PAN3: variants seen among roughly 807,000 people sequenced by gnomAD.
The protein encoded by PAN3 is PAN2-PAN3 deadenylation complex subunit PAN3.
In PAN3, 19 loss-of-function variants were observed where a neutral mutation model predicts 96.2. The observed-to-expected ratio is 0.20, with a 90% CI of 0.14 to 0.29. The LOEUF is 0.29. PAN3 is among the 10% of genes least tolerant of loss of function. The pLI is 1.00. For missense variants in PAN3, 882 were observed against 1,108.1 expected (o/e 0.80, Z 2.90); for synonymous variants, 433 against 406.6 (o/e 1.06, Z -0.78).
intron 6 of PAN3, among the ~76,000 whole-genome samples, chr13:28,226,257 A>G (rs1274416873): frequency 6.6e-6 from 1 of 152,248 alleles, no homozygotes; most frequent in Non-Finnish European, 1.5e-5. Flanking sequence ...CCATATTTAT[A>G]TGGTTCTTAA....
intron 5 of PAN3, among the ~76,000 whole-genome samples, chr13:28,219,878 T>G (rs1335486233): frequency 6.6e-6 from 1 of 152,236 alleles, no homozygotes; most frequent in East Asian, 1.9e-4. Flanking sequence ...AGAAGTGGTT[T>G]AAAGATACTA....
Position 28,281,400 on chromosome 13 carries a change from A to T in PAN3, c.2384+21A>T. The T allele has an allele frequency of 1.9e-6, 3 of 1,583,162 alleles. No homozygotes were observed. In the African/African-American group the frequency reaches 4.0e-5, roughly 21 times the overall value. On this transcript the variant is annotated intron_variant, in intron 17 of 18. Transcript: ENST00000380958. The stretch of plus-strand genomic sequence containing the variant: ...CCGGAGTAAGGATTTACAGTATTTT[A>T]CAATATATTTTTAATCGAGAGCACT...
At chr13:28,154,330 TG>T (rs1871796503) in intron 1 of PAN3, among the ~76,000 whole-genome samples, 1 of 152,096 alleles carries the variant, frequency 6.6e-6, no homozygotes, top group African/African-American at 2.4e-5. Flanking sequence ...GGATCTCAGC[TG>T]GGTACCTGTC....
At chr13:28,266,584 A>T in intron 9 of PAN3, 131 bp from the exon 10 acceptor site, 1 of 617,504 alleles carries the variant, frequency 1.6e-6, no homozygotes, top group Non-Finnish European at 2.6e-6. Flanking sequence ...ATAAATGTTT[A>T]CACTATTCTA....
chr13:28,280,650 C>A, intron 16 of PAN3, 109 bp downstream of exon 16: 1 of 1,040,390 alleles, frequency 9.6e-7, no homozygotes, highest in Non-Finnish European at 1.3e-6. Flanking sequence ...TAACCTCTGC[C>A]TCCTGGGTTC....
At chr13:28,259,796 GC>G (rs1885539798) in intron 7 of PAN3, among the ~76,000 whole-genome samples, 1 of 151,758 alleles carries the variant, frequency 6.6e-6, no homozygotes, top group African/African-American at 2.4e-5. Flanking sequence ...GCGCCACCAT[GC>G]CCCACTAATT....
At chr13:28,276,930 G>T (rs1334747814) in intron 14 of PAN3, among the ~76,000 whole-genome samples, 1 of 152,168 alleles carries the variant, frequency 6.6e-6, no homozygotes, top group Non-Finnish European at 1.5e-5. Context: ...GTGGCAATTT[G>T]TAGTTGGCAT....
intron 15 of PAN3, among the ~76,000 whole-genome samples, chr13:28,278,097 G>C (rs1887204064): frequency 1.3e-5 from 2 of 152,378 alleles, no homozygotes; most frequent in African/African-American, 4.8e-5. Context: ...TTAGAGAAGA[G>C]GTGCTAATCA....
chr13:28,223,804 G>A (rs558403706), intron 6 of PAN3, among the ~76,000 whole-genome samples: 3 of 150,534 alleles, frequency 2.0e-5, no homozygotes, highest in Admixed American at 6.6e-5. Context: ...CTCTGGAAAC[G>A]AAGTTATGAA....
chr13:28,178,044 G>T, intron 4 of PAN3, 109 bp downstream of exon 4: 1 of 897,928 alleles, frequency 1.1e-6, no homozygotes, highest in Admixed American at 2.5e-5. Flanking sequence ...AGCTTTTTAT[G>T]GGCTTTAGTG....
At chr13:28,288,679 G>T (rs1353211098) in intron 18 of PAN3, among the ~76,000 whole-genome samples, 1 of 152,024 alleles carries the variant, frequency 6.6e-6, no homozygotes, top group African/African-American at 2.4e-5. Flanking sequence ...TTTATGCAAT[G>T]TTTTATTTAC....
chr13:28,256,870 GAT>G (rs1885193025), intron 7 of PAN3, among the ~76,000 whole-genome samples: 1 of 152,214 alleles, frequency 6.6e-6, no homozygotes. Context: ...TATAGGTATA[GAT>G]AGTTTAACCT....
intron 9 of PAN3, among the ~76,000 whole-genome samples, chr13:28,261,832 C>A (rs1238830645): frequency 0.019 from 2,128 of 112,322 alleles, no homozygotes; most frequent in Middle Eastern, 0.025. Flanking sequence ...GACCCTGTCT[C>A]AAAAAAAAAA....
chr13:28,245,945 CT>C (rs1361562440), intron 6 of PAN3, among the ~76,000 whole-genome samples: 3 of 152,080 alleles, frequency 2.0e-5, no homozygotes, highest in Non-Finnish European at 4.4e-5. Context: ...ATTATTTCCA[CT>C]TTTTGGTAAT....
At chr13:28,170,441 A>G (rs985772507) in intron 1 of PAN3, among the ~76,000 whole-genome samples, 1 of 152,218 alleles carries the variant, frequency 6.6e-6, no homozygotes, top group Non-Finnish European at 1.5e-5. Flanking sequence ...TTAAGACAAG[A>G]CATTGACCAT....
chr13:28,281,580 C>T (rs2138722725), intron 17 of PAN3, among the ~76,000 whole-genome samples: 2 of 152,260 alleles, frequency 1.3e-5, no homozygotes, highest in South Asian at 4.1e-4. Context: ...CACATGTATA[C>T]ACACAGAAAA....
intron 1 of PAN3, among the ~76,000 whole-genome samples, chr13:28,146,088 C>CT (rs1005486479): frequency 7.9e-5 from 12 of 151,854 alleles, no homozygotes; most frequent in African/African-American, 2.7e-4. Flanking sequence ...GAAAGGTACA[C>CT]TTTTTTGGTA....
intron 4 of PAN3, among the ~76,000 whole-genome samples, chr13:28,181,846 G>A (rs1332293599): frequency 2.0e-5 from 3 of 152,122 alleles, no homozygotes; most frequent in Non-Finnish European, 4.4e-5. Flanking sequence ...TTTAAAAAGT[G>A]ATCTTTTTTG....
At chr13:28,203,872 C>T (rs1300479585) in intron 5 of PAN3, among the ~76,000 whole-genome samples, 8 of 146,206 alleles carry the variant, frequency 5.5e-5, no homozygotes, top group South Asian at 2.2e-4. Flanking sequence ...GGTGTGATCT[C>T]GGCTCACTGC....
Sources: gnomAD v4.1 joint callset for allele counts (sites outside exome capture counted in the v4.1 genomes callset) on GRCh38, gnomAD v4.1.1 for gene constraint, MANE v1.5 for transcripts, NCBI Gene and HGNC (gene_info 2026-07-23, HGNC 2026-07-21) for gene names.